Variants in SORBS2 observed in about 807,000 individuals in gnomAD.
SORBS2 encodes sorbin and SH3 domain containing 2.
Under a neutral mutation model 97.7 loss-of-function variants are expected in SORBS2, and 46 were observed. The observed-to-expected ratio is 0.47, with a 90% CI of 0.37 to 0.60. The LOEUF is 0.60. Ranked by LOEUF, SORBS2 falls within the 20% of genes least tolerant of loss-of-function variation. SORBS2 has a pLI of 0.00. For synonymous variants in SORBS2, 476 were observed against 473.4 expected (o/e 1.01, Z -0.07); for missense variants, 1,316 against 1,282.3 (o/e 1.03, Z -0.40).
At position 185,814,449 on chromosome 4, in the gene SORBS2, G is replaced by T. The variant is rs548143337; in HGVS notation, c.-337-39083C>A. The stretch of plus-strand genomic sequence containing the variant: ...CCAGCTACTCGGGAGGCTGAGGAAG[G>T]AGGAATGTTTGAGCCTGGGAGGTCG... On this transcript the variant is annotated intron_variant, in intron 1 of 20. Coordinates refer to the SORBS2 transcript ENST00000284776. Among the ~76,000 whole-genome samples, 8 of 152,226 alleles carry T rather than the reference G, an allele frequency of 5.3e-5. No homozygotes were observed. In the South Asian group the frequency reaches 1.7e-3, roughly 32 times the overall value.
intron 1 of SORBS2, among the ~76,000 whole-genome samples, chr4:185,909,035 T>C (rs1452175479): frequency 1.3e-5 from 2 of 152,020 alleles, no homozygotes; most frequent in African/African-American, 2.4e-5. Flanking sequence ...AATCCAACAA[T>C]CCCACCACTG....
chr4:185,951,806 C>A (rs908776202), intron 1 of SORBS2, among the ~76,000 whole-genome samples: 14 of 152,214 alleles, frequency 9.2e-5, no homozygotes, highest in African/African-American at 3.4e-4. Context: ...AGTGTGCATG[C>A]ATCAGTGAGC....
intron 2 of SORBS2, among the ~76,000 whole-genome samples, chr4:185,650,391 T>C (rs761760826): frequency 1.3e-4 from 19 of 151,158 alleles, no homozygotes; most frequent in Non-Finnish European, 2.2e-4. Flanking sequence ...GCAGGGATGG[T>C]ATAGAAAAAA....
At chr4:185,663,799 A>G (rs6831871) in intron 4 of SORBS2, among the ~76,000 whole-genome samples, 18,061 of 151,578 alleles carry the variant, frequency 0.12, 1,201 homozygotes, top group Middle Eastern at 0.21. Context: ...GATGGTTTCA[A>G]TAATATTGAC....
chr4:185,914,461 A>G (rs182372447), intron 1 of SORBS2, among the ~76,000 whole-genome samples: 2 of 152,350 alleles, frequency 1.3e-5, no homozygotes, highest in Admixed American at 1.3e-4. Context: ...TTGCTACTCA[A>G]TCATGTTTCA....
intron 1 of SORBS2, among the ~76,000 whole-genome samples, chr4:185,914,605 T>C (rs989519680): frequency 7.9e-5 from 12 of 152,254 alleles, no homozygotes; most frequent in African/African-American, 2.9e-4. Context: ...GCACGTTCAT[T>C]GTAAATACTG....
rs527840388 is a variant in SORBS2, at chr4:185,928,058, T to C, written c.-338+28138A>G. On this transcript the variant is annotated intron_variant, in intron 1 of 20. Coordinates refer to the SORBS2 transcript ENST00000284776. ...TATCAAAAAGGACTGAGGTCTCAAA[T>C]GACCCATGAGAATATTTAAGTCACT... Among the ~76,000 whole-genome samples the C allele has an allele frequency of 1.5e-4, 23 of 152,268 alleles. No individual in the cohort carries two copies. The South Asian group carries it at 4.8e-3, about 32-fold the overall frequency.
chr4:185,790,220 C>T (rs1174439431), intron 1 of SORBS2, among the ~76,000 whole-genome samples: 3 of 152,040 alleles, frequency 2.0e-5, no homozygotes, highest in East Asian at 3.9e-4. Flanking sequence ...TGTTAAACTA[C>T]ACTTATCTCC....
At chr4:185,631,015 A>T (rs1279365902) in intron 4 of SORBS2, among the ~76,000 whole-genome samples, 3 of 152,244 alleles carry the variant, frequency 2.0e-5, no homozygotes, top group African/African-American at 4.8e-5. Context: ...TCATCATTCA[A>T]TCCTTATAAA....
At chr4:185,849,595 TG>T (rs2099216639) in intron 1 of SORBS2, among the ~76,000 whole-genome samples, 1 of 152,184 alleles carries the variant, frequency 6.6e-6, no homozygotes, top group South Asian at 2.1e-4. Flanking sequence ...GTCCTGTCTC[TG>T]TGATTACTCT....
At chr4:185,830,236 A>C (rs1224730863) in intron 1 of SORBS2, among the ~76,000 whole-genome samples, 1 of 152,166 alleles carries the variant, frequency 6.6e-6, no homozygotes, top group Non-Finnish European at 1.5e-5. Flanking sequence ...GAGAAAATGC[A>C]CATTCTGGTT....
intron 2 of SORBS2, among the ~76,000 whole-genome samples, chr4:185,734,524 A>C (rs1274045702): frequency 6.6e-6 from 1 of 152,144 alleles, no homozygotes. Flanking sequence ...ATTTCATACA[A>C]AATTCCTCTG....
chr4:185,790,400 TCA>T (rs1332390359), intron 1 of SORBS2, among the ~76,000 whole-genome samples: 13 of 152,184 alleles, frequency 8.5e-5, no homozygotes, highest in Non-Finnish European at 1.3e-4. Context: ...CAATTCTCAC[TCA>T]CATGATAACC....
At chr4:185,711,117 A>T (rs2098416760) in intron 2 of SORBS2, among the ~76,000 whole-genome samples, 1 of 149,900 alleles carries the variant, frequency 6.7e-6, no homozygotes, top group Admixed American at 6.7e-5. Context: ...GTACAGATAT[A>T]CACCATCACA....
At chr4:185,893,603 A>G (rs973643961) in intron 1 of SORBS2, among the ~76,000 whole-genome samples, 5 of 152,356 alleles carry the variant, frequency 3.3e-5, no homozygotes, top group East Asian at 3.9e-4. Context: ...AACAGCCAGA[A>G]GGGCATGTGA....
At chr4:185,861,210 G>A (rs1354392467) in intron 1 of SORBS2, among the ~76,000 whole-genome samples, 2 of 151,880 alleles carry the variant, frequency 1.3e-5, no homozygotes, top group Non-Finnish European at 2.9e-5. Flanking sequence ...AAGGAGGGAT[G>A]TTCAACTTCC....
At chr4:185,639,072 A>T in intron 4 of SORBS2, 37 bp from the exon 14 acceptor site, 2 of 1,491,726 alleles carry the variant, frequency 1.3e-6, no homozygotes, top group Admixed American at 5.1e-5. Context: ...GGTTCATTAG[A>T]TGGAGGCTCT....
intron 1 of SORBS2, among the ~76,000 whole-genome samples, chr4:185,876,897 C>T (rs2099234002): frequency 6.6e-6 from 1 of 152,172 alleles, no homozygotes; most frequent in South Asian, 2.1e-4. Flanking sequence ...CATGGCCCCA[C>T]AAACCAAACT....
rs893036712 is a variant in SORBS2, at chr4:185,587,498, G to A, written c.*129C>T. The A allele has an allele frequency of 4.0e-5, 29 of 734,048 alleles. No individual in the cohort carries two copies. In the African/African-American group the frequency reaches 4.7e-4, roughly 12 times the overall value. 45.5% of individuals were successfully genotyped at this position (734,048 alleles called of 1,614,324 possible). A position where few individuals can be genotyped will look rare whatever the true frequency, so the allele number is the denominator to read the frequency against. The stretch of plus-strand genomic sequence containing the variant: ...CGGCTACTCTGCTGGTGGTTTGGTG[G>A]CAGGTGGAGATGGTGACGGCGCATT... On this transcript the variant is annotated 3_prime_UTR_variant, in exon 15 of 15. Transcript: ENST00000418609.
Sources: gnomAD v4.1 joint callset for allele counts (sites outside exome capture counted in the v4.1 genomes callset) on GRCh38, gnomAD v4.1.1 for gene constraint, MANE v1.5 for transcripts, NCBI Gene and HGNC (gene_info 2026-07-23, HGNC 2026-07-21) for gene names.